Variants in NPAS2 observed in about 807,000 individuals in gnomAD.
NPAS2 encodes the protein neuronal PAS domain-containing protein 2.
In NPAS2, 23 loss-of-function variants were observed where a neutral mutation model predicts 107.5. The ratio of observed to expected loss-of-function variants is 0.21; its 90% CI spans 0.15 to 0.30. The LOEUF is 0.30. NPAS2 is among the 10% of genes least tolerant of loss of function. The pLI is 1.00. For synonymous variants in NPAS2, 403 were observed against 417.5 expected, an observed-to-expected ratio of 0.97 and a Z score of 0.42; for missense variants, 756 against 1,043.3, an observed-to-expected ratio of 0.72 and a Z score of 3.79.
chr2:100,980,375 A>G (rs979375944), intron 15 of NPAS2, among the ~76,000 whole-genome samples: 3 of 152,178 alleles, frequency 2.0e-5, no homozygotes, highest in Admixed American at 1.3e-4. Context: ...TTCCCTTTCA[A>G]AATCCTCACA....
chr2:100,847,048 C>T (rs1388353801), intron 1 of NPAS2: 5 of 152,188 alleles, frequency 3.3e-5, no homozygotes, highest in African/African-American at 1.2e-4. Flanking sequence ...GCTTTTAGCT[C>T]AGAACGCTTC....
chr2:100,892,039 C>G (rs945723727), intron 1 of NPAS2, among the ~76,000 whole-genome samples: 1 of 152,164 alleles, frequency 6.6e-6, no homozygotes, highest in Admixed American at 6.5e-5. Context: ...CATCTATTGT[C>G]CACACCCTGA....
chr2:100,980,749 G>A (rs1378132277), intron 15 of NPAS2, among the ~76,000 whole-genome samples: 1 of 152,188 alleles, frequency 6.6e-6, no homozygotes, highest in African/African-American at 2.4e-5. Context: ...GGGATTACAG[G>A]CATGAGTCAC....
intron 16 of NPAS2, chr2:100,986,751 TCTAA>T (rs1677803581): frequency 6.6e-6 from 1 of 152,248 alleles, no homozygotes; most frequent in Non-Finnish European, 1.5e-5. Flanking sequence ...AGAGCAATGC[TCTAA>T]CTAGATTTTT....
Position 100,977,811 on chromosome 2 carries a change from A to T in NPAS2, c.1482+12A>T. 1 of 1,612,502 alleles carries T rather than the reference A, an allele frequency of 6.2e-7. No individual in the cohort carries two copies. Among genetic ancestry groups the T allele is most frequent in the Non-Finnish European group, 8.5e-7 (1 of 1,178,874 alleles). On this transcript the variant is annotated intron_variant, in intron 15 of 20. Coordinates refer to ENST00000335681, the MANE Select transcript of NPAS2 (RefSeq NM_002518.4). Reference sequence around the variant, plus strand: ...CTCCCATGGCACAGGTGAGTCTGGGACCCAGGAAAGGGCAGCCCCTCTCAA... The same window carrying T: ...CTCCCATGGCACAGGTGAGTCTGGGTCCCAGGAAAGGGCAGCCCCTCTCAA...
chr2:100,832,312 A>G (rs1450756322), intron 1 of NPAS2, among the ~76,000 whole-genome samples: 1 of 152,104 alleles, frequency 6.6e-6, no homozygotes, highest in Non-Finnish European at 1.5e-5. Context: ...TGGGCAGGTC[A>G]TTCATCATCC....
rs577419287 is a variant in NPAS2, at chr2:100,856,768, G to A, written c.-23+36354G>A. ...GAATCATAACCCCTGTGAATCAAAA[G>A]GAAGCACCTGTGGTGCCAGGGAAGG... On this transcript the variant is annotated intron_variant, in intron 1 of 20. Transcript: ENST00000335681. 2.6e-5 allele frequency among the ~76,000 whole-genome samples: 4 copies of A among 152,270 alleles called. No homozygotes were observed. In the South Asian group the frequency reaches 8.3e-4, roughly 32 times the overall value.
intron 2 of NPAS2, among the ~76,000 whole-genome samples, chr2:100,923,245 G>A (rs1418275879): frequency 6.6e-6 from 1 of 152,144 alleles, no homozygotes; most frequent in Non-Finnish European, 1.5e-5. Context: ...AACAGACAGG[G>A]AGGAGGGGAG....
chr2:100,964,244 T>C, intron 8 of NPAS2, 68 bp downstream of exon 8: 2 of 1,036,478 alleles, frequency 1.9e-6, no homozygotes, highest in Non-Finnish European at 3.0e-6. Context: ...TTATATGTAA[T>C]TAATGGTCTT....
At chr2:100,904,556 C>G (rs1221744494) in intron 1 of NPAS2, among the ~76,000 whole-genome samples, 177 bp from the exon 2 acceptor site, 2 of 152,150 alleles carry the variant, frequency 1.3e-5, no homozygotes, top group African/African-American at 2.4e-5. Context: ...CCCACATACA[C>G]AGAAGTGCTT....
chr2:100,959,089 C>CAA (rs758460503), intron 7 of NPAS2, among the ~76,000 whole-genome samples: 6,983 of 45,976 alleles, frequency 0.15, 360 homozygotes, highest in East Asian at 0.4. Context: ...CCCATCTCTT[C>CAA]AAAAAAAAAA....
At chr2:100,978,104 C>T (rs1250459260) in intron 15 of NPAS2, among the ~76,000 whole-genome samples, 1 of 152,062 alleles carries the variant, frequency 6.6e-6, no homozygotes, top group African/African-American at 2.4e-5. Context: ...GTGTACCTGT[C>T]ACCCGAGCAG....
intron 15 of NPAS2, among the ~76,000 whole-genome samples, chr2:100,978,773 A>G (rs1542179): frequency 0.4 from 60,585 of 152,074 alleles, 13,499 homozygotes; most frequent in East Asian, 0.76. Flanking sequence ...GAAATATTCT[A>G]CCCAGGGAAG....
chr2:100,839,860 ATCT>A (rs1389771340), intron 1 of NPAS2, among the ~76,000 whole-genome samples: 2 of 152,164 alleles, frequency 1.3e-5, no homozygotes, highest in East Asian at 1.9e-4. Context: ...TTTGAAGTCC[ATCT>A]TCTTCTATAG....
Position 100,996,735 on chromosome 2 carries a change from T to C in NPAS2, c.*1153T>C, listed in dbSNP as rs1678455213. The C allele has an allele frequency of 6.6e-6, 1 of 152,638 alleles. No individual in the cohort carries two copies. The highest frequency in any genetic ancestry group is 6.5e-5 in the Admixed American group (1 of 15,290). The allele number at this position is 152,638 out of a possible 1,614,324, so 9.5% of individuals were successfully genotyped here. ...TGTGTAAATTATTTTGTATCTGAGA[T>C]ACCAGTTCCTTTTCCCAAATATAAA... is the stretch of plus-strand genomic sequence containing the variant. On this transcript the variant is annotated 3_prime_UTR_variant, in exon 21 of 21. Transcript: ENST00000335681.
chr2:100,932,401 G>A lies in NPAS2; in HGVS notation c.182-509G>A, dbSNP rs143183880. Among the ~76,000 whole-genome samples the A allele has an allele frequency of 2.6e-3, 392 of 152,360 alleles. 1 individual carries two copies. The highest frequency in any genetic ancestry group is 9.1e-3 in the African/African-American group (378 of 41,584). ...TATGTGTATAGCACGCTGTATTTCAGTAATGGAAATGCTGAAAAATATGGT... is the reference window on the plus strand; with the variant it reads ...TATGTGTATAGCACGCTGTATTTCAATAATGGAAATGCTGAAAAATATGGT... On this transcript the variant is annotated intron_variant, in intron 3 of 20. Coordinates refer to ENST00000335681, the MANE Select transcript of NPAS2 (RefSeq NM_002518.4).
intron 1 of NPAS2, among the ~76,000 whole-genome samples, chr2:100,866,725 C>A (rs1217552630): frequency 6.6e-6 from 1 of 152,194 alleles, no homozygotes; most frequent in African/African-American, 2.4e-5. Flanking sequence ...CTAGATGATA[C>A]ATCTGTGAAC....
chr2:100,959,346 T>C (rs1675789604), intron 7 of NPAS2, among the ~76,000 whole-genome samples: 2 of 152,138 alleles, frequency 1.3e-5, no homozygotes, highest in African/African-American at 2.4e-5. Context: ...CTCTTCTCTA[T>C]GCAAAACACA....
chr2:100,932,435 T>C (rs900214356), intron 3 of NPAS2, among the ~76,000 whole-genome samples: 8 of 152,242 alleles, frequency 5.3e-5, no homozygotes, highest in African/African-American at 1.7e-4. Flanking sequence ...GTACATTCTG[T>C]ATAACACAGT....
Sources: gnomAD v4.1 joint callset for allele counts (sites outside exome capture counted in the v4.1 genomes callset) on GRCh38, gnomAD v4.1.1 for gene constraint, MANE v1.5 for transcripts, NCBI Gene and HGNC (gene_info 2026-07-23, HGNC 2026-07-21) for gene names.